Variants in PRKG1 observed in about 807,000 individuals in gnomAD.
The protein encoded by PRKG1 is protein kinase cGMP-dependent 1.
In PRKG1, 35 loss-of-function variants were observed where a neutral mutation model predicts 88.1. The observed-to-expected ratio is 0.40, with a 90% CI of 0.30 to 0.53. The LOEUF is 0.53. PRKG1 is among the 20% of genes least tolerant of loss of function. The pLI, the probability that PRKG1 is intolerant of heterozygous loss-of-function variation, is 0.59. For synonymous variants in PRKG1, 303 were observed against 292.5 expected (o/e 1.04, Z -0.37); for missense variants, 540 against 839.8 (o/e 0.64, Z 4.41).
chr10:51,165,110 C>G lies in PRKG1; in HGVS notation c.478+11780C>G, dbSNP rs183942466. On this transcript the variant is annotated intron_variant, in intron 2 of 17. Transcript: ENST00000373980. ...ACACATAATTGTCAGATTCACCAAA[C>G]TTGAAATGAAGGAAAAAGTGTTAAG... Among the ~76,000 whole-genome samples the G allele has an allele frequency of 6.8e-3, 1,040 of 152,182 alleles. 51 individuals carry two copies. Among genetic ancestry groups the G allele is most frequent in the Admixed American group, 0.062 (947 of 15,276 alleles).
At position 51,774,027 on chromosome 10, in the gene PRKG1, A is replaced by C. The variant is rs111954407; in HGVS notation, c.593-30558A>C. 4.2e-3 allele frequency among the ~76,000 whole-genome samples: 643 copies of C among 152,232 alleles called. 3 individuals carry two copies. Among genetic ancestry groups the C allele is most frequent in the Non-Finnish European group, 6.6e-3 (448 of 67,974 alleles). On this transcript the variant is annotated intron_variant, in intron 3 of 17. Transcript: ENST00000373980. ...TATTTGTTCAGCTGTTAATATGTGC[A>C]AGACACTTTACTTACATTATTGTCT...
chr10:52,292,187 G>A (rs1272670525), intron 17 of PRKG1, among the ~76,000 whole-genome samples: 6 of 150,890 alleles, frequency 4.0e-5, no homozygotes, highest in Non-Finnish European at 5.9e-5. Context: ...AGTAGGTTGC[G>A]AAAATTTTCT....
At chr10:51,199,176 A>T (rs961716993) in intron 2 of PRKG1, among the ~76,000 whole-genome samples, 7 of 152,202 alleles carry the variant, frequency 4.6e-5, no homozygotes, top group African/African-American at 1.7e-4. Flanking sequence ...TATCAGTCTG[A>T]AAAAGTTGGG....
intron 1 of PRKG1, among the ~76,000 whole-genome samples, chr10:51,083,681 T>C (rs965797266): frequency 6.6e-6 from 1 of 152,320 alleles, no homozygotes. Flanking sequence ...TGGGCATTGC[T>C]GGCAGTTGAG....
chr10:52,250,898 CAT>C (rs1229242539), intron 9 of PRKG1, among the ~76,000 whole-genome samples: 1 of 152,070 alleles, frequency 6.6e-6, no homozygotes, highest in Non-Finnish European at 1.5e-5. Context: ...AACTTGCAAA[CAT>C]AAAGACACTG....
intron 7 of PRKG1, among the ~76,000 whole-genome samples, chr10:52,074,241 A>AT (rs1369292121): frequency 5.3e-5 from 8 of 152,196 alleles, no homozygotes; most frequent in Admixed American, 1.3e-4. Context: ...ATGCAAGGAG[A>AT]TTTTTGAAAG....
At chr10:51,910,520 C>T (rs2105442) in intron 5 of PRKG1, 114,120 of 151,948 alleles carry the variant, frequency 0.75, 43,379 homozygotes, top group African/African-American at 0.87. Flanking sequence ...GTAAGTGCTC[C>T]AAGTAAAGGG....
chr10:52,015,977 T>C (rs1845029233), intron 5 of PRKG1, among the ~76,000 whole-genome samples: 1 of 152,232 alleles, frequency 6.6e-6, no homozygotes, highest in Non-Finnish European at 1.5e-5. Flanking sequence ...TATCAGCATT[T>C]TGGTCAAAAC....
intron 1 of PRKG1, among the ~76,000 whole-genome samples, chr10:51,130,201 T>C (rs1010827183): frequency 1.1e-4 from 16 of 152,248 alleles, no homozygotes; most frequent in African/African-American, 3.6e-4. Context: ...AAACCTCTTC[T>C]CTCCTCCATT....
intron 1 of PRKG1, among the ~76,000 whole-genome samples, chr10:51,049,246 G>A (rs191443884): frequency 6.6e-6 from 1 of 152,330 alleles, no homozygotes; most frequent in East Asian, 1.9e-4. Flanking sequence ...TAGGAAGAGA[G>A]AGACTTGATA....
At chr10:51,505,523 T>C (rs1290375361) in intron 3 of PRKG1, among the ~76,000 whole-genome samples, 1 of 152,196 alleles carries the variant, frequency 6.6e-6, no homozygotes, top group Admixed American at 6.5e-5. Flanking sequence ...TTTCTGTTGA[T>C]TGGAACAGTT....
intron 3 of PRKG1, among the ~76,000 whole-genome samples, chr10:51,780,758 T>C (rs1954624): frequency 0.073 from 11,072 of 152,228 alleles, 574 homozygotes; most frequent in Middle Eastern, 0.13. Context: ...TAGCTGATGA[T>C]TGGGGAATTT....
intron 3 of PRKG1, among the ~76,000 whole-genome samples, chr10:51,710,916 G>A (rs921550773): frequency 6.6e-6 from 1 of 151,994 alleles, no homozygotes; most frequent in South Asian, 2.1e-4. Context: ...CCAGGGTCTC[G>A]AACTCGTGGC....
At chr10:51,438,953 G>C (rs1395034379) in intron 2 of PRKG1, among the ~76,000 whole-genome samples, 28 of 150,804 alleles carry the variant, frequency 1.9e-4, no homozygotes, top group Non-Finnish European at 3.0e-5. Context: ...GGACAAATCT[G>C]ATTAATCAAA....
chr10:52,080,296 T>C (rs1391381099), intron 7 of PRKG1, among the ~76,000 whole-genome samples: 1 of 152,198 alleles, frequency 6.6e-6, no homozygotes, highest in African/African-American at 2.4e-5. Flanking sequence ...AACTTCTCCA[T>C]GATGTTTTTT....
At chr10:51,156,414 G>A (rs1229683131) in intron 2 of PRKG1, among the ~76,000 whole-genome samples, 1 of 151,612 alleles carries the variant, frequency 6.6e-6, no homozygotes, top group Non-Finnish European at 1.5e-5. Flanking sequence ...ATTGCTTCAC[G>A]ATAATTTTAA....
intron 2 of PRKG1, among the ~76,000 whole-genome samples, chr10:51,437,548 A>G (rs1838970391): frequency 6.6e-6 from 1 of 151,974 alleles, no homozygotes; most frequent in South Asian, 2.1e-4. Flanking sequence ...AAGATAGAAA[A>G]CATGTATTTT....
chr10:51,812,140 C>T (rs1839472733), intron 4 of PRKG1, among the ~76,000 whole-genome samples: 1 of 152,068 alleles, frequency 6.6e-6, no homozygotes, highest in Non-Finnish European at 1.5e-5. Context: ...AAATAGGAAC[C>T]ATTACAATCA....
At chr10:51,893,142 G>T (rs114073803) in intron 4 of PRKG1, among the ~76,000 whole-genome samples, 2,190 of 152,108 alleles carry the variant, frequency 0.014, 58 homozygotes, top group African/African-American at 0.048. Context: ...CTTCCTGATG[G>T]TCATTCTGAC....
Sources: gnomAD v4.1 joint callset for allele counts (sites outside exome capture counted in the v4.1 genomes callset) on GRCh38, gnomAD v4.1.1 for gene constraint, MANE v1.5 for transcripts, NCBI Gene and HGNC (gene_info 2026-07-23, HGNC 2026-07-21) for gene names.